ST8SIA1: variants seen among roughly 807,000 people sequenced by gnomAD.
The protein encoded by ST8SIA1 is alpha-N-acetylneuraminide alpha-2,8-sialyltransferase.
Under a neutral mutation model 35.9 loss-of-function variants are expected in ST8SIA1, and 16 were observed. The ratio of observed to expected loss-of-function variants is 0.45; its 90% confidence interval spans 0.30 to 0.68. ST8SIA1 has a LOEUF of 0.68. ST8SIA1 is among the 30% of genes least tolerant of loss of function. ST8SIA1 has a pLI of 0.09. For missense variants in ST8SIA1, 383 were observed against 453.6 expected, an observed-to-expected ratio of 0.84 and a Z score of 1.41; for synonymous variants, 170 against 169.6, an observed-to-expected ratio of 1.00 and a Z score of -0.02.
At chr12:22,211,356 G>A (rs1865173861) in intron 4 of ST8SIA1, among the ~76,000 whole-genome samples, 1 of 152,126 alleles carries the variant, frequency 6.6e-6, no homozygotes, top group African/African-American at 2.4e-5. Context: ...TGGGGGGTGG[G>A]GCTAAAAGTC....
At chr12:22,322,678 TAGA>T (rs1384720600) in intron 1 of ST8SIA1, among the ~76,000 whole-genome samples, 1 of 151,974 alleles carries the variant, frequency 6.6e-6, no homozygotes, top group African/African-American at 2.4e-5. Context: ...TGCAAGGGAG[TAGA>T]AGGACACAAT....
rs141663728 is a variant in ST8SIA1 at position 22,212,291 on chromosome 12, A to G, written c.585-10253T>C. The stretch of plus-strand genomic sequence containing the variant: ...TCTTCAAATGCTTCAGCAATTTTCC[A>G]ATGGGTTAATTCATTTCCTCATATT... On this transcript the variant is annotated intron_variant, in intron 4 of 4. Coordinates refer to ENST00000396037, the MANE Select transcript of ST8SIA1 (RefSeq NM_003034.4). Among the ~76,000 whole-genome samples the G allele has an allele frequency of 4.8e-3, 738 of 152,304 alleles. 10 individuals are homozygous for G. Among genetic ancestry groups the G allele is most frequent in the African/African-American group, 0.017 (706 of 41,566 alleles).
chr12:22,263,161 A>C (rs1003931798), intron 2 of ST8SIA1, among the ~76,000 whole-genome samples: 1 of 152,236 alleles, frequency 6.6e-6, no homozygotes, highest in Non-Finnish European at 1.5e-5. Flanking sequence ...GGCCAATTAA[A>C]TATGTTTAAT....
intron 1 of ST8SIA1, chr12:22,325,854 G>C (rs1460552953): frequency 1.3e-5 from 9 of 701,656 alleles, no homozygotes; most frequent in Admixed American, 2.0e-5. Context: ...GGTGTTCCTT[G>C]AACACAAGCA....
intron 1 of ST8SIA1, among the ~76,000 whole-genome samples, chr12:22,312,981 CT>C (rs1347472867): frequency 6.6e-6 from 1 of 152,104 alleles, no homozygotes; most frequent in East Asian, 1.9e-4. Context: ...TTTGGAATAA[CT>C]TTTAAATTTG....
At chr12:22,330,598 A>G (rs1159545947) in intron 1 of ST8SIA1, among the ~76,000 whole-genome samples, 2 of 152,040 alleles carry the variant, frequency 1.3e-5, no homozygotes, top group African/African-American at 4.8e-5. Context: ...TTTCCATGGG[A>G]TTATAGCAAC....
At chr12:22,329,315 A>T (rs1866727167) in intron 1 of ST8SIA1, among the ~76,000 whole-genome samples, 1 of 152,146 alleles carries the variant, frequency 6.6e-6, no homozygotes, top group Non-Finnish European at 1.5e-5. Context: ...TAAAACAAGG[A>T]ACATACACAA....
intron 2 of ST8SIA1, among the ~76,000 whole-genome samples, chr12:22,260,738 A>G (rs1229848650): frequency 1.3e-5 from 2 of 152,086 alleles, no homozygotes; most frequent in African/African-American, 4.8e-5. Context: ...CCATATAAAT[A>G]TATTATATTA....
intron 1 of ST8SIA1, among the ~76,000 whole-genome samples, chr12:22,331,387 G>A (rs1426649858): frequency 6.6e-6 from 1 of 152,154 alleles, no homozygotes; most frequent in Non-Finnish European, 1.5e-5. Context: ...TTGACTGATT[G>A]CAAATGTTTG....
chr12:22,255,526 T>C, intron 2 of ST8SIA1, 137 bp from the exon 3 acceptor site: 1 of 769,188 alleles, frequency 1.3e-6, no homozygotes, highest in East Asian at 2.5e-5. Flanking sequence ...AAAAGAAAGA[T>C]GCCAAGAAGT....
chr12:22,266,741 G>C (rs1038291962), intron 2 of ST8SIA1, among the ~76,000 whole-genome samples: 1 of 152,008 alleles, frequency 6.6e-6, no homozygotes, highest in African/African-American at 2.4e-5. Context: ...AGGCTGCAGT[G>C]AGCTATGATT....
chr12:22,221,737 T>C (rs538190326), intron 4 of ST8SIA1, among the ~76,000 whole-genome samples: 2 of 152,378 alleles, frequency 1.3e-5, no homozygotes, highest in African/African-American at 4.8e-5. Flanking sequence ...TTTCACGTTG[T>C]GATTCAAGTG....
chr12:22,294,257 T>C (rs1591847146), intron 1 of ST8SIA1, among the ~76,000 whole-genome samples: 2 of 151,992 alleles, frequency 1.3e-5, no homozygotes, highest in Admixed American at 1.3e-4. Context: ...TGGAGGCAAG[T>C]GGTGATAATA....
chr12:22,299,211 C>A (rs1455391257), intron 1 of ST8SIA1, among the ~76,000 whole-genome samples: 1 of 151,820 alleles, frequency 6.6e-6, no homozygotes, highest in Non-Finnish European at 1.5e-5. Flanking sequence ...GGAAAACATT[C>A]TTTCTAAAAA....
intron 4 of ST8SIA1, among the ~76,000 whole-genome samples, chr12:22,238,840 GT>G (rs1018309453): frequency 1.3e-4 from 20 of 151,680 alleles, no homozygotes; most frequent in African/African-American, 4.4e-4. Flanking sequence ...TGCATCCCAG[GT>G]TTTTTTTCTG....
chr12:22,211,179 G>A (rs1237445691), intron 4 of ST8SIA1, among the ~76,000 whole-genome samples: 1 of 152,204 alleles, frequency 6.6e-6, no homozygotes, highest in Non-Finnish European at 1.5e-5. Context: ...TATGGAGGAA[G>A]GAATCTGCAA....
intron 4 of ST8SIA1, among the ~76,000 whole-genome samples, chr12:22,218,845 T>A (rs1487085337): frequency 6.6e-6 from 1 of 151,258 alleles, no homozygotes; most frequent in Non-Finnish European, 1.5e-5. Context: ...TAAAATAAAA[T>A]AAAATAAAAA....
At chr12:22,241,159 A>C (rs1161773684) in intron 4 of ST8SIA1, among the ~76,000 whole-genome samples, 1 of 151,926 alleles carries the variant, frequency 6.6e-6, no homozygotes, top group African/African-American at 2.4e-5. Flanking sequence ...ATGCCCAGCC[A>C]AGTTTTTATT....
At chr12:22,212,921 T>C (rs1432202396) in intron 4 of ST8SIA1, among the ~76,000 whole-genome samples, 2 of 152,172 alleles carry the variant, frequency 1.3e-5, no homozygotes, top group Non-Finnish European at 2.9e-5. Flanking sequence ...AGTCACAAGA[T>C]TTGTAACTTT....
Sources: gnomAD v4.1 joint callset for allele counts (sites outside exome capture counted in the v4.1 genomes callset) on GRCh38, gnomAD v4.1.1 for gene constraint, MANE v1.5 for transcripts, NCBI Gene and HGNC (gene_info 2026-07-23, HGNC 2026-07-21) for gene names.